Variants in DHRSX observed in about 807,000 individuals in gnomAD.
DHRSX encodes polyprenol dehydrogenase.
A neutral mutation model predicts 34.0 loss-of-function variants in DHRSX; 31 were observed. That is an observed-to-expected ratio of 0.91 (90% CI 0.69 to 1.23). DHRSX has a LOEUF of 1.23. DHRSX is among the 50% of genes most tolerant of loss of function. The pLI, the probability that DHRSX is intolerant of heterozygous loss-of-function variation, is 0.00. For missense variants in DHRSX, 414 were observed against 428.1 expected (o/e 0.97, Z 0.29); for synonymous variants, 201 against 183.8 (o/e 1.09, Z -0.76).
chrX:2,275,850 TA>T (rs1194507689), intron 4 of DHRSX, among the ~76,000 whole-genome samples: 2 of 151,848 alleles, frequency 1.3e-5, no homozygotes, highest in Non-Finnish European at 2.9e-5. Context: ...AATTTTAATT[TA>T]ATTTTATTTT....
intron 5 of DHRSX, 103 bp downstream of exon 5, chrX:2,266,637 C>T (rs1461343218): frequency 2.6e-5 from 30 of 1,152,944 alleles, no homozygotes; most frequent in Admixed American, 7.0e-5. Context: ...AGAGCACCAG[C>T]GTCCAGCAGA....
At chrX:2,438,556 G>T (rs1361594943) in intron 1 of DHRSX, among the ~76,000 whole-genome samples, 1 of 150,804 alleles carries the variant, frequency 6.6e-6, no homozygotes, top group Non-Finnish European at 1.5e-5. Flanking sequence ...CTGTAATCCT[G>T]CCTCAGGAGG....
At chrX:2,247,655 C>CAAAAAAA (rs752111695) in intron 5 of DHRSX, among the ~76,000 whole-genome samples, 1 of 96,898 alleles carries the variant, frequency 1.0e-5, no homozygotes. Context: ...CTCCGTCTCA[C>CAAAAAAA]AAAAAAAAAA....
At chrX:2,258,668 G>C (rs2041313312) in intron 5 of DHRSX, among the ~76,000 whole-genome samples, 1 of 152,134 alleles carries the variant, frequency 6.6e-6, no homozygotes, top group African/African-American at 2.4e-5. Context: ...CTAGGTCCGT[G>C]GTATTTTATT....
chrX:2,285,189 T>C (rs974132559), intron 4 of DHRSX, among the ~76,000 whole-genome samples: 9 of 152,320 alleles, frequency 5.9e-5, no homozygotes, highest in Middle Eastern at 6.8e-3. Context: ...GTACACTTTA[T>C]TTGTATTATT....
In DHRSX at chrX:2,470,773, T is replaced by C. The variant is rs151006420; in HGVS notation, c.109+30044A>G. 2.9e-3 allele frequency among the ~76,000 whole-genome samples: 442 copies of C among 152,284 alleles called. 8 individuals carry two copies. The highest frequency in any genetic ancestry group is 9.2e-3 in the African/African-American group (384 of 41,544). On this transcript the variant is annotated intron_variant, in intron 1 of 6. Coordinates refer to ENST00000334651, the MANE Select transcript of DHRSX (RefSeq NM_145177.3). Reference sequence around the variant, plus strand: ...TAAAACAAATGAATTCCAAGTTCTATCACACCACACAGTGATGATAGTTAA... The same window carrying C: ...TAAAACAAATGAATTCCAAGTTCTACCACACCACACAGTGATGATAGTTAA...
At chrX:2,455,930 A>C (rs1364684111) in intron 1 of DHRSX, among the ~76,000 whole-genome samples, 15 of 152,108 alleles carry the variant, frequency 9.9e-5, no homozygotes, top group Non-Finnish European at 1.9e-4. Flanking sequence ...TTCAATGTAG[A>C]AGGTGCATGC....
chrX:2,451,986 G>T (rs754459024), intron 1 of DHRSX, among the ~76,000 whole-genome samples: 43 of 152,066 alleles, frequency 2.8e-4, no homozygotes, highest in Non-Finnish European at 5.3e-4. Context: ...AGGCACCACT[G>T]CCATGTACAC....
chrX:2,246,724 G>GAA (rs1173295702), intron 5 of DHRSX, among the ~76,000 whole-genome samples: 1 of 101,686 alleles, frequency 9.8e-6, no homozygotes. Flanking sequence ...AAGAAAGAAA[G>GAA]AAAGAAAGAA....
At chrX:2,464,796 T>A (rs764892809) in intron 1 of DHRSX, among the ~76,000 whole-genome samples, 2 of 149,982 alleles carry the variant, frequency 1.3e-5, no homozygotes, top group South Asian at 4.2e-4. Context: ...ACCGCTGACA[T>A]GTACACACTG....
intron 3 of DHRSX, among the ~76,000 whole-genome samples, chrX:2,379,364 C>T (rs1210351485): frequency 6.6e-6 from 1 of 152,134 alleles, no homozygotes; most frequent in African/African-American, 2.4e-5. Context: ...GTCTGATTCC[C>T]AGTAGATGGA....
At chrX:2,308,433 C>T (rs1489246821) in intron 3 of DHRSX, among the ~76,000 whole-genome samples, 2 of 152,060 alleles carry the variant, frequency 1.3e-5, no homozygotes, top group Non-Finnish European at 2.9e-5. Flanking sequence ...ATTGTTAAAA[C>T]GTTCACATTT....
At chrX:2,323,944 C>A (rs1002969046) in intron 3 of DHRSX, among the ~76,000 whole-genome samples, 1 of 151,258 alleles carries the variant, frequency 6.6e-6, no homozygotes, top group African/African-American at 2.4e-5. Context: ...GTCATCCCAG[C>A]TACTTGGGAG....
intron 1 of DHRSX, among the ~76,000 whole-genome samples, chrX:2,457,567 C>T (rs182276859): frequency 3.3e-5 from 5 of 152,234 alleles, no homozygotes; most frequent in East Asian, 3.9e-4. Flanking sequence ...GAAGACGTTC[C>T]CTAAGCCTGT....
intron 4 of DHRSX, among the ~76,000 whole-genome samples, chrX:2,285,932 G>GAAT (rs2041799828): frequency 2.0e-5 from 3 of 152,170 alleles, no homozygotes; most frequent in African/African-American, 7.2e-5. Flanking sequence ...TGACTGTATA[G>GAAT]AATCCAGCCT....
chrX:2,275,835 TTAAAAA>T (rs1345140555), intron 4 of DHRSX, among the ~76,000 whole-genome samples: 1 of 146,732 alleles, frequency 6.8e-6, no homozygotes, highest in Non-Finnish European at 1.5e-5. Context: ...TTGCCTTTTT[TTAAAAA>T]TTTTAATTTA....
At chrX:2,413,478 T>C (rs1307592707) in intron 2 of DHRSX, among the ~76,000 whole-genome samples, 1 of 152,096 alleles carries the variant, frequency 6.6e-6, no homozygotes, top group Non-Finnish European at 1.5e-5. Flanking sequence ...AATGGATATG[T>C]GAATTAGCTT....
intron 3 of DHRSX, chrX:2,334,362 A>G (rs34929509): frequency 0.74 from 112,168 of 151,304 alleles, 42,670 homozygotes; most frequent in African/African-American, 0.85. Context: ...ACGGAGTTTC[A>G]CCATGTTCGC....
intron 4 of DHRSX, among the ~76,000 whole-genome samples, chrX:2,286,883 C>A (rs961869915): frequency 6.6e-6 from 1 of 152,180 alleles, no homozygotes; most frequent in Non-Finnish European, 1.5e-5. Context: ...AAGCCATCAT[C>A]TTGTAACAAA....
Sources: allele counts gnomAD v4.1 joint callset (sites outside exome capture counted in the v4.1 genomes callset), GRCh38; gene constraint gnomAD v4.1.1; transcripts MANE v1.5; gene names NCBI Gene and HGNC (gene_info 2026-07-23, HGNC 2026-07-21).